The following PTPRT variants were observed in gnomAD, a reference collection of about 807,000 sequenced individuals.
The protein encoded by PTPRT is receptor-type tyrosine-protein phosphatase T.
PTPRT carries 56 observed loss-of-function variants against 176.8 expected under a neutral mutation model. The ratio of observed to expected loss-of-function variants is 0.32; its 90% CI spans 0.26 to 0.40. PTPRT has a LOEUF of 0.40. PTPRT is among the 10% of genes least tolerant of loss of function. The pLI, the probability that PTPRT is intolerant of heterozygous loss-of-function variation, is 1.00. For missense variants in PTPRT, 1,540 were observed against 1,908.2 expected, an observed-to-expected ratio of 0.81 and a Z score of 3.60; for synonymous variants, 783 against 739.0, an observed-to-expected ratio of 1.06 and a Z score of -0.96.
In PTPRT at chr20:43,189,736, G is replaced by C. The variant is rs1235549927; in HGVS notation, c.-3C>G. 1.2e-5 allele frequency: 15 copies of C among 1,232,650 alleles called. No homozygotes were observed. Among genetic ancestry groups the C allele is most frequent in the African/African-American group, 3.2e-5 (2 of 62,746 alleles). The allele number at this position is 1,232,650 out of a possible 1,614,324, so 76.4% of individuals were successfully genotyped here. ...GCGAGCGCGGCGAGGCTCGCCATCC[G>C]GGCGGCGGCGGGCAGCTCAGCCCCT... On this transcript the variant is annotated 5_prime_UTR_variant, in exon 1 of 31. Coordinates refer to ENST00000373187, the MANE Select transcript of PTPRT (RefSeq NM_007050.6). This position sits in a 1 kb window ranked among gnomAD's most constrained non-coding sequence, Gnocchi z 5.0.
At chr20:42,572,922 GTT>G (rs398061439) in intron 7 of PTPRT, among the ~76,000 whole-genome samples, 1 of 111,254 alleles carries the variant, frequency 9.0e-6, no homozygotes. Context: ...ATAAGTTTTT[GTT>G]TTTTTTTTTT....
At chr20:42,539,763 A>G (rs1222321501) in intron 7 of PTPRT, among the ~76,000 whole-genome samples, 1 of 152,182 alleles carries the variant, frequency 6.6e-6, no homozygotes, top group Non-Finnish European at 1.5e-5. Context: ...TCAGAAAACA[A>G]TAAAAAGCTC....
At chr20:43,064,303 G>A (rs2146258483) in intron 1 of PTPRT, among the ~76,000 whole-genome samples, 1 of 152,216 alleles carries the variant, frequency 6.6e-6, no homozygotes, top group African/African-American at 2.4e-5. Flanking sequence ...GGAAGACAGA[G>A]CCACAAGATG....
intron 9 of PTPRT, among the ~76,000 whole-genome samples, chr20:42,381,257 G>C (rs1447766645): frequency 6.6e-6 from 1 of 152,136 alleles, no homozygotes; most frequent in Non-Finnish European, 1.5e-5. Context: ...ATACTTTTGA[G>C]CCCTTTGAAG....
Position 42,346,966 on chromosome 20 carries a change from A to T in PTPRT, c.1865+3662T>A, listed in dbSNP as rs570884285. Among the ~76,000 whole-genome samples the T allele has an allele frequency of 1.3e-3, 193 of 152,044 alleles. 2 individuals are homozygous for T. The highest frequency in any genetic ancestry group is 3.1e-3 in the South Asian group (15 of 4,800). On this transcript the variant is annotated intron_variant, in intron 11 of 30. Transcript: ENST00000373187. The stretch of plus-strand genomic sequence containing the variant: ...GGTTGGTGGAGGTTTACTCCGTAGC[A>T]CCCCCACAAAAGGGCCACCCGGTCA...
At chr20:42,385,589 A>T (rs1486805451) in intron 9 of PTPRT, among the ~76,000 whole-genome samples, 2 of 152,214 alleles carry the variant, frequency 1.3e-5, no homozygotes, top group African/African-American at 4.8e-5. Flanking sequence ...GTCTGTTCTC[A>T]TGCTAATAAA....
At chr20:42,572,408 C>A (rs1466263765) in intron 7 of PTPRT, among the ~76,000 whole-genome samples, 1 of 152,142 alleles carries the variant, frequency 6.6e-6, no homozygotes, top group Admixed American at 6.5e-5. Flanking sequence ...CCACCAAGAA[C>A]CCTCACCCCT....
intron 6 of PTPRT, among the ~76,000 whole-genome samples, chr20:42,723,059 A>C (rs1243531499): frequency 6.6e-6 from 1 of 152,204 alleles, no homozygotes; most frequent in Non-Finnish European, 1.5e-5. Flanking sequence ...AATAATATGA[A>C]TATAACCTCA....
intron 7 of PTPRT, among the ~76,000 whole-genome samples, chr20:42,591,556 G>C (rs1424428817): frequency 6.6e-6 from 1 of 152,168 alleles, no homozygotes; most frequent in African/African-American, 2.4e-5. Flanking sequence ...CCATGCACTG[G>C]GGGGAAGTAG....
intron 1 of PTPRT, among the ~76,000 whole-genome samples, chr20:42,933,545 A>G (rs1428675571): frequency 1.3e-5 from 2 of 152,156 alleles, no homozygotes; most frequent in Non-Finnish European, 2.9e-5. Flanking sequence ...TGATTGATTG[A>G]CTAAACTCAC....
chr20:42,046,778 A>AGTGTGTGT, the PTPRT span, among the ~76,000 whole-genome samples: 774 of 150,624 alleles, frequency 5.1e-3, 2 homozygotes, highest in Middle Eastern at 6.8e-3. Flanking sequence ...TTGTCATGTG[A>AGTGTGTGT]GTGTGTGTGT....
At chr20:42,615,894 T>C (rs1282203833) in intron 7 of PTPRT, among the ~76,000 whole-genome samples, 3 of 116,888 alleles carry the variant, frequency 2.6e-5, no homozygotes, top group African/African-American at 9.5e-5. Context: ...GGTTGCCTGT[T>C]CACTCTGATG....
chr20:42,088,010 C>T (rs1984186656), intron 27 of PTPRT, among the ~76,000 whole-genome samples: 1 of 151,694 alleles, frequency 6.6e-6, no homozygotes, highest in Non-Finnish European at 1.5e-5. Context: ...TGTGTGGCTG[C>T]AGAGAGGAGC....
intron 1 of PTPRT, among the ~76,000 whole-genome samples, chr20:42,950,155 G>A (rs939647033): frequency 6.6e-6 from 1 of 152,146 alleles, no homozygotes; most frequent in Non-Finnish European, 1.5e-5. Context: ...TAGCAAAGAA[G>A]AAAGCCCCCT....
intron 7 of PTPRT, among the ~76,000 whole-genome samples, chr20:42,563,101 A>C (rs148061285): frequency 6.6e-6 from 1 of 152,284 alleles, no homozygotes; most frequent in African/African-American, 2.4e-5. Context: ...AAGAAGACAA[A>C]TCTGTTAAAA....
intron 1 of PTPRT, among the ~76,000 whole-genome samples, chr20:43,136,380 CAATAAATGCTTGCTA>C (rs1426674035): frequency 6.6e-6 from 1 of 152,186 alleles, no homozygotes; most frequent in Admixed American, 6.5e-5. Flanking sequence ...AGTAGGTGCT[CAATAAATGCTTGCTA>C]AATAAATGAC....
chr20:42,066,606 A>G, the PTPRT span, among the ~76,000 whole-genome samples: 1 of 152,340 alleles, frequency 6.6e-6, no homozygotes, highest in East Asian at 1.9e-4. Flanking sequence ...CAGCTCACTC[A>G]TGAAACTACC....
At chr20:42,289,589 C>A (rs1417808419) in intron 12 of PTPRT, among the ~76,000 whole-genome samples, 2 of 151,986 alleles carry the variant, frequency 1.3e-5, no homozygotes, top group Admixed American at 1.3e-4. Flanking sequence ...TGTCTCATAC[C>A]AGTCAGAATG....
intron 14 of PTPRT, among the ~76,000 whole-genome samples, chr20:42,241,754 A>G (rs116005700): frequency 2.0e-5 from 3 of 152,160 alleles, no homozygotes; most frequent in African/African-American, 4.8e-5. Flanking sequence ...TTCAATTTTC[A>G]GGTGTAGAGG....
Sources: allele counts gnomAD v4.1 joint callset (sites outside exome capture counted in the v4.1 genomes callset), GRCh38; gene constraint gnomAD v4.1.1; non-coding constraint Gnocchi (gnomAD v3.1); transcripts MANE v1.5; gene names NCBI Gene and HGNC (gene_info 2026-07-23, HGNC 2026-07-21).